The following ANKS1B variants were observed in gnomAD, a reference collection of about 807,000 sequenced individuals.
ANKS1B encodes ankyrin repeat and sterile alpha motif domain containing 1B, also known as ankyrin repeat and sterile alpha motif domain-containing protein 1B.
ANKS1B carries 36 observed loss-of-function variants against 148.3 expected under a neutral mutation model. That is an observed-to-expected ratio of 0.24 (90% confidence interval 0.19 to 0.32). The LOEUF is 0.32. Ranked by LOEUF, ANKS1B falls within the 10% of genes least tolerant of loss-of-function variation. The pLI is 1.00. For synonymous variants in ANKS1B, 542 were observed against 560.8 expected (o/e 0.97, Z 0.47); for missense variants, 1,157 against 1,542.6 (o/e 0.75, Z 4.19).
chr12:99,163,559 G>A (rs908462266), intron 14 of ANKS1B, among the ~76,000 whole-genome samples: 7 of 151,248 alleles, frequency 4.6e-5, no homozygotes, highest in South Asian at 2.1e-4. Flanking sequence ...CATCACAGTC[G>A]AGACACCGAC....
intron 14 of ANKS1B, among the ~76,000 whole-genome samples, chr12:99,217,671 A>G (rs2084431948): frequency 6.6e-6 from 1 of 152,080 alleles, no homozygotes; most frequent in Non-Finnish European, 1.5e-5. Flanking sequence ...TGGCCCCAGA[A>G]AATATAACTG....
chr12:99,719,303 C>G (rs2057809400), intron 8 of ANKS1B, among the ~76,000 whole-genome samples: 1 of 152,184 alleles, frequency 6.6e-6, no homozygotes. Flanking sequence ...TGTACTCACT[C>G]TTTGTTGAGT....
chr12:99,387,874 T>TTTTTTTTTTTTTTTTTTTTTTTTTTG (rs1310198385), intron 12 of ANKS1B, among the ~76,000 whole-genome samples: 8 of 151,868 alleles, frequency 5.3e-5, no homozygotes, highest in African/African-American at 1.7e-4. Flanking sequence ...AATTGTAATT[T>TTTTTTTTTTTTTTTTTTTTTTTTTTG]ACCAAGTAGA....
chr12:99,873,532 C>G (rs1172884611), intron 1 of ANKS1B, among the ~76,000 whole-genome samples: 1 of 152,110 alleles, frequency 6.6e-6, no homozygotes, highest in Non-Finnish European at 1.5e-5. Flanking sequence ...TAGTTCCAAG[C>G]CCTTCAAATA....
chr12:99,699,003 C>G (rs1335670965), intron 8 of ANKS1B, among the ~76,000 whole-genome samples: 1 of 152,106 alleles, frequency 6.6e-6, no homozygotes, highest in Admixed American at 6.6e-5. Context: ...AGCACATGTG[C>G]GTGCTCTTTA....
intron 8 of ANKS1B, among the ~76,000 whole-genome samples, chr12:99,720,955 T>G (rs1446802409): frequency 1.3e-5 from 2 of 152,346 alleles, no homozygotes; most frequent in Middle Eastern, 6.8e-3. Context: ...GGCAGGGCTA[T>G]GCTGAACCTC....
At chr12:98,882,445 G>A (rs1040706028) in intron 17 of ANKS1B, among the ~76,000 whole-genome samples, 8 of 152,188 alleles carry the variant, frequency 5.3e-5, no homozygotes, top group Non-Finnish European at 1.0e-4. Context: ...ATTATGATCA[G>A]CCAGTTGCAA....
At chr12:99,052,912 C>T (rs1045611544) in intron 17 of ANKS1B, among the ~76,000 whole-genome samples, 1 of 151,802 alleles carries the variant, frequency 6.6e-6, no homozygotes, top group Non-Finnish European at 1.5e-5. Context: ...AAGGAGAACA[C>T]AAAAATGCTT....
chr12:99,664,494 C>A (rs1404311031), intron 8 of ANKS1B, among the ~76,000 whole-genome samples: 4 of 151,918 alleles, frequency 2.6e-5, no homozygotes, highest in Non-Finnish European at 1.5e-5. Flanking sequence ...GAATCCTCCA[C>A]AGTCAGCGTA....
intron 17 of ANKS1B, among the ~76,000 whole-genome samples, chr12:98,844,454 T>C (rs1054662713): frequency 6.6e-6 from 1 of 152,206 alleles, no homozygotes; most frequent in Admixed American, 6.5e-5. Flanking sequence ...CTGGCAACAA[T>C]CCCTGCATCA....
intron 17 of ANKS1B, among the ~76,000 whole-genome samples, chr12:99,030,024 G>A (rs183042513): frequency 6.6e-6 from 1 of 152,334 alleles, no homozygotes; most frequent in East Asian, 1.9e-4. Context: ...CCTGCCTTGG[G>A]AACAGTCACG....
chr12:98,816,989 A>C (rs2099146869), intron 19 of ANKS1B, among the ~76,000 whole-genome samples: 1 of 151,920 alleles, frequency 6.6e-6, no homozygotes, highest in African/African-American at 2.4e-5. Context: ...GCCGTGTTCT[A>C]GCCCTGAAAA....
intron 8 of ANKS1B, among the ~76,000 whole-genome samples, chr12:99,667,583 G>A (rs1173030048): frequency 6.6e-6 from 1 of 151,822 alleles, no homozygotes; most frequent in Non-Finnish European, 1.5e-5. Context: ...TTATTTTCTA[G>A]CCCTTGTCTT....
chr12:99,927,045 T>C (rs1350140829), intron 1 of ANKS1B, among the ~76,000 whole-genome samples: 1 of 152,198 alleles, frequency 6.6e-6, no homozygotes, highest in African/African-American at 2.4e-5. Context: ...TTTTTGAAAT[T>C]TGTATTTAGA....
At chr12:99,162,144 T>C (rs1221478676) in intron 14 of ANKS1B, among the ~76,000 whole-genome samples, 1 of 152,074 alleles carries the variant, frequency 6.6e-6, no homozygotes. Context: ...AGAGACAGAA[T>C]GTAGATTAGG....
At chr12:99,505,365 G>A (rs2153009152) in intron 9 of ANKS1B, among the ~76,000 whole-genome samples, 1 of 151,978 alleles carries the variant, frequency 6.6e-6, no homozygotes, top group East Asian at 1.9e-4. Flanking sequence ...TGGGTTTTCT[G>A]TCATTTAGAG....
At chr12:99,460,302 C>T (rs146549858) in intron 10 of ANKS1B, among the ~76,000 whole-genome samples, 1 of 152,026 alleles carries the variant, frequency 6.6e-6, no homozygotes, top group Non-Finnish European at 1.5e-5. Flanking sequence ...GACCTGAAAC[C>T]ATAACAATTC....
intron 15 of ANKS1B, among the ~76,000 whole-genome samples, chr12:99,092,917 A>C (rs2153652327): frequency 6.6e-6 from 1 of 152,318 alleles, no homozygotes; most frequent in Non-Finnish European, 1.5e-5. Context: ...TAGAGGAGGA[A>C]ACTGAGTCTC....
chr12:99,122,960 C>T (rs1201312896), intron 15 of ANKS1B, among the ~76,000 whole-genome samples: 1 of 142,454 alleles, frequency 7.0e-6, no homozygotes, highest in Non-Finnish European at 1.5e-5. Context: ...AGGTTCTGTT[C>T]TAGGAGCTAG....
Sources: gnomAD v4.1 joint callset for allele counts (sites outside exome capture counted in the v4.1 genomes callset) on GRCh38, gnomAD v4.1.1 for gene constraint, MANE v1.5 for transcripts, NCBI Gene and HGNC (gene_info 2026-07-23, HGNC 2026-07-21) for gene names.